HVCN1: variants seen among roughly 807,000 people sequenced by gnomAD.
HVCN1 encodes the protein voltage-gated hydrogen channel 1.
Under a neutral mutation model 29.2 loss-of-function variants are expected in HVCN1, and 14 were observed. The observed-to-expected ratio is 0.48, with a 90% CI of 0.32 to 0.75. The LOEUF is 0.75. Ranked by LOEUF, HVCN1 falls within the 30% of genes least tolerant of loss-of-function variation. HVCN1 has a pLI of 0.04. For synonymous variants in HVCN1, 131 were observed against 133.2 expected, an observed-to-expected ratio of 0.98 and a Z score of 0.11; for missense variants, 263 against 341.8, an observed-to-expected ratio of 0.77 and a Z score of 1.82.
At chr12:110,693,796 A>T (rs2069449252), upstream of HVCN1, among the ~76,000 whole-genome samples, 1 of 152,224 alleles carries the variant, frequency 6.6e-6, no homozygotes, top group South Asian at 2.1e-4. Flanking sequence ...ATCATTTGTA[A>T]TACGATGCAT....
intron 4 of HVCN1, among the ~76,000 whole-genome samples, chr12:110,656,888 G>C (rs1013330153): frequency 1.3e-5 from 2 of 152,136 alleles, no homozygotes; most frequent in Non-Finnish European, 2.9e-5. Flanking sequence ...GGTTTTTGTT[G>C]TTGTTTTTCC....
intron 3 of HVCN1, among the ~76,000 whole-genome samples, chr12:110,673,333 T>C (rs1023553670): frequency 1.3e-5 from 2 of 152,170 alleles, no homozygotes; most frequent in Non-Finnish European, 2.9e-5. Context: ...GCAGAAGAAA[T>C]TTCTAAGCAG....
chr12:110,659,822 C>A (rs2068107187), intron 4 of HVCN1, among the ~76,000 whole-genome samples: 1 of 152,184 alleles, frequency 6.6e-6, no homozygotes, highest in South Asian at 2.1e-4. Flanking sequence ...AATCCCAGCA[C>A]TTTGGGAGGC....
intron 2 of HVCN1, among the ~76,000 whole-genome samples, chr12:110,686,279 C>T (rs1216093993): frequency 1.3e-5 from 2 of 152,186 alleles, no homozygotes; most frequent in Non-Finnish European, 2.9e-5. Flanking sequence ...GCTGGAATTA[C>T]AGGCATGAGC....
chr12:110,657,430 G>A (rs1593447379), intron 4 of HVCN1, among the ~76,000 whole-genome samples: 1 of 151,742 alleles, frequency 6.6e-6, no homozygotes, highest in Non-Finnish European at 1.5e-5. Flanking sequence ...GGGAGGCGGA[G>A]GTTGCAGTGA....
At chr12:110,687,265 C>CCG (rs1555238966) in intron 2 of HVCN1, among the ~76,000 whole-genome samples, 5 of 150,328 alleles carry the variant, frequency 3.3e-5, no homozygotes, top group Non-Finnish European at 7.4e-5. Flanking sequence ...ACACCCCCCC[C>CCG]CCCCAGCTAA....
chr12:110,659,610 T>C (rs368493736), intron 4 of HVCN1, among the ~76,000 whole-genome samples: 1 of 152,208 alleles, frequency 6.6e-6, no homozygotes, highest in Admixed American at 6.5e-5. Context: ...CTTGCATTTG[T>C]CCCTCAAAAT....
chr12:110,694,753 T>A (rs991886130), upstream of HVCN1, among the ~76,000 whole-genome samples: 9 of 152,204 alleles, frequency 5.9e-5, no homozygotes, highest in Non-Finnish European at 1.0e-4. This position sits in a 1 kb window ranked among gnomAD's most constrained non-coding sequence, Gnocchi z 4.6. Flanking sequence ...CACGACGGGA[T>A]CTGCACAAGG....
upstream of HVCN1, among the ~76,000 whole-genome samples, chr12:110,691,058 A>G (rs2069395790): frequency 6.6e-6 from 1 of 151,782 alleles, no homozygotes; most frequent in Non-Finnish European, 1.5e-5. Flanking sequence ...CCTGGACTGC[A>G]GCAGGCTTTC....
At chr12:110,689,169 C>T (rs1161029468), upstream of HVCN1, 1 of 138,976 alleles carries the variant, frequency 7.2e-6, no homozygotes, top group Non-Finnish European at 1.6e-5. The surrounding 1 kb of genome is among the most constrained non-coding windows in gnomAD (Gnocchi z 5.7). Flanking sequence ...CCGTACCAGG[C>T]CCCGCCCCCG....
chr12:110,656,102 C>T (rs192645913), intron 4 of HVCN1, among the ~76,000 whole-genome samples: 323 of 152,288 alleles, frequency 2.1e-3, no homozygotes, highest in Middle Eastern at 6.8e-3. Flanking sequence ...CTCGGCAGTC[C>T]GAGTCCTGGA....
intron 2 of HVCN1, among the ~76,000 whole-genome samples, chr12:110,687,355 C>T (rs1388897927): frequency 1.3e-5 from 2 of 151,618 alleles, no homozygotes; most frequent in Admixed American, 6.6e-5. Context: ...AGGGACAACT[C>T]GACATTTATG....
At chr12:110,663,053 C>G (rs1164356308) in intron 3 of HVCN1, among the ~76,000 whole-genome samples, 1 of 152,168 alleles carries the variant, frequency 6.6e-6, no homozygotes, top group Non-Finnish European at 1.5e-5. Context: ...CTTTTCACTC[C>G]TCAGGTTGGC....
At position 110,648,946 on chromosome 12, in the gene HVCN1, G is replaced by T. The variant is rs2067632496; in HGVS notation, c.*464C>A. ...GAGGAGGGGCCTGGGTACCCCTTTTGGGGAAACTGAGACGAAGCTATTTAG... is the reference window on the plus strand; with the variant it reads ...GAGGAGGGGCCTGGGTACCCCTTTTTGGGAAACTGAGACGAAGCTATTTAG... On this transcript the variant is annotated 3_prime_UTR_variant, in exon 8 of 8. Transcript: ENST00000242607. 7.0e-6 allele frequency: 3 copies of T among 427,708 alleles called. No homozygotes were observed. Among genetic ancestry groups the T allele is most frequent in the African/African-American group, 4.2e-5 (2 of 47,814 alleles). 26.5% of individuals were successfully genotyped at this position (427,708 alleles called of 1,614,324 possible). A position where few individuals can be genotyped will look rare whatever the true frequency, so the allele number is the denominator to read the frequency against.
intron 6 of HVCN1, 122 bp downstream of exon 6, chr12:110,651,095 G>C: frequency 1.5e-6 from 1 of 674,706 alleles, no homozygotes; most frequent in Non-Finnish European, 2.6e-6. Context: ...GGGGCAGAGG[G>C]GAGGCCTCCA....
chr12:110,687,259 C>A (rs1173462468), intron 2 of HVCN1, among the ~76,000 whole-genome samples: 11 of 105,268 alleles, frequency 1.0e-4, no homozygotes, highest in East Asian at 4.3e-4. Flanking sequence ...CAGACCACAC[C>A]CCCCCCCCCC....
chr12:110,656,236 G>A (rs1280022170), intron 4 of HVCN1, among the ~76,000 whole-genome samples: 2 of 152,216 alleles, frequency 1.3e-5, no homozygotes, highest in Non-Finnish European at 2.9e-5. Context: ...CATAGTGGGT[G>A]AAGATGGTGA....
chr12:110,695,507 G>A (rs2069476558), intron 2 of HVCN1, among the ~76,000 whole-genome samples: 1 of 152,070 alleles, frequency 6.6e-6, no homozygotes, highest in Non-Finnish European at 1.5e-5. Context: ...AGTGAGATGT[G>A]ATCACGCCAC....
At chr12:110,675,644 G>A (rs2068728748) in intron 3 of HVCN1, among the ~76,000 whole-genome samples, 2 of 151,862 alleles carry the variant, frequency 1.3e-5, no homozygotes, top group Admixed American at 1.3e-4. Flanking sequence ...GGTGGCTCAT[G>A]CCTGTAATCC....
Sources: allele counts gnomAD v4.1 joint callset (sites outside exome capture counted in the v4.1 genomes callset), GRCh38; gene constraint gnomAD v4.1.1; non-coding constraint Gnocchi (gnomAD v3.1); transcripts MANE v1.5; gene names NCBI Gene and HGNC (gene_info 2026-07-23, HGNC 2026-07-21).